Variants in KIAA1217 observed in about 807,000 individuals in gnomAD.
The protein encoded by KIAA1217 is KIAA1217, also known as sickle tail protein homolog.
Under a neutral mutation model 163.9 loss-of-function variants are expected in KIAA1217, and 88 were observed. The observed-to-expected ratio is 0.54, with a 90% CI of 0.45 to 0.64. The LOEUF (loss-of-function observed/expected upper bound fraction) is 0.64. Among genes scored for constraint, KIAA1217 ranks in the 30% least tolerant of loss-of-function variants. The pLI is 0.00. For missense variants in KIAA1217, 2,372 were observed against 2,475.0 expected (o/e 0.96, Z 0.88); for synonymous variants, 903 against 923.1 (o/e 0.98, Z 0.39).
At chr10:24,183,788 G>A (rs1370133828) in intron 2 of KIAA1217, among the ~76,000 whole-genome samples, 4 of 152,114 alleles carry the variant, frequency 2.6e-5, no homozygotes, top group African/African-American at 7.2e-5. Context: ...AGTCTACCTC[G>A]GGGAATGGTT....
chr10:23,815,488 CA>C, intron 1 of KIAA1217, among the ~76,000 whole-genome samples: 1 of 151,854 alleles, frequency 6.6e-6, no homozygotes, highest in East Asian at 1.9e-4. Flanking sequence ...ACTAAAAATA[CA>C]AAAAATTAGC....
intron 2 of KIAA1217, among the ~76,000 whole-genome samples, chr10:24,234,733 T>G (rs1278155872): frequency 1.3e-5 from 2 of 151,974 alleles, no homozygotes; most frequent in African/African-American, 4.8e-5. Context: ...TCGTTAAGTC[T>G]GTTTTTAATG....
intron 1 of KIAA1217, among the ~76,000 whole-genome samples, chr10:23,731,552 G>A (rs900299479): frequency 3.3e-5 from 5 of 152,114 alleles, no homozygotes; most frequent in African/African-American, 1.2e-4. Flanking sequence ...TGAAAGGGCT[G>A]GTTTCTGTTA....
At chr10:24,512,641 CTATGTTT>C (rs1374947185) in intron 9 of KIAA1217, among the ~76,000 whole-genome samples, 2 of 152,176 alleles carry the variant, frequency 1.3e-5, no homozygotes, top group African/African-American at 4.8e-5. Flanking sequence ...CATTAAAGTC[CTATGTTT>C]TAAGCATCTG....
At chr10:24,520,627 C>CAAAAAA (rs71472812) in intron 11 of KIAA1217, among the ~76,000 whole-genome samples, 5 of 44,934 alleles carry the variant, frequency 1.1e-4, no homozygotes, top group African/African-American at 2.6e-4. Context: ...ACATCTCTAC[C>CAAAAAA]AAAAAAAAAA....
At position 24,545,874 on chromosome 10, in the gene KIAA1217, C is replaced by T. The variant is rs1323276181; in HGVS notation, c.5382C>T (p.Ser1794=). ...KKSGGDFKPT[S]PSLPASKIPA... ...CTGGTGGGGACTTTAAGCCTACTTC[C>T]CCCTCCTTACCTGCTTCTAAGATTC... The change falls in exon 21 of 21, where the codon TCC becomes TCT. Residue 1794 remains serine (S), a synonymous_variant. Transcript: ENST00000376454. 6.2e-7 allele frequency: 1 copy of T among 1,612,282 alleles called. No homozygotes were observed. Among genetic ancestry groups the T allele is most frequent in the Non-Finnish European group, 8.5e-7 (1 of 1,179,294 alleles).
chr10:24,009,924 G>T (rs1380457501), intron 2 of KIAA1217, among the ~76,000 whole-genome samples: 1 of 152,056 alleles, frequency 6.6e-6, no homozygotes, highest in Admixed American at 6.6e-5. Flanking sequence ...CTGTATGGGG[G>T]CTCTGTCCTT....
rs375368066 is a variant in KIAA1217, at chr10:24,544,043, C to A, written c.4773C>A (p.Thr1591=). The A allele has an allele frequency of 3.1e-6, 5 of 1,614,016 alleles. No individual in the cohort carries two copies. Among genetic ancestry groups the A allele is most frequent in the Non-Finnish European group, 4.2e-6 (5 of 1,180,002 alleles). The change falls in exon 19 of 21, where the codon ACC becomes ACA. Residue 1591 remains threonine (T), a synonymous_variant. Transcript: ENST00000376454. ...QLAALTQAIR[T]GTKTGKKTLQ... ...CCGCTCTCACTCAAGCCATTCGCAC[C>A]GGAACTAAAACAGGGAAGAAGACTT...
intron 1 of KIAA1217, among the ~76,000 whole-genome samples, chr10:23,954,649 G>A (rs1214329616): frequency 1.3e-5 from 2 of 151,588 alleles, no homozygotes; most frequent in African/African-American, 4.8e-5. Flanking sequence ...GAGGGAGAGA[G>A]GGAGGAAAGA....
intron 1 of KIAA1217, among the ~76,000 whole-genome samples, chr10:23,913,896 C>A (rs1170287134): frequency 2.0e-5 from 3 of 152,168 alleles, no homozygotes; most frequent in Non-Finnish European, 2.9e-5. Flanking sequence ...ACAGGGAAGG[C>A]ATGGCTGGCT....
At chr10:23,744,547 G>A (rs1839292502) in intron 1 of KIAA1217, among the ~76,000 whole-genome samples, 1 of 152,142 alleles carries the variant, frequency 6.6e-6, no homozygotes, top group South Asian at 2.1e-4. Context: ...GGTGTTTTGG[G>A]AGAAGTAGGC....
At chr10:23,945,800 A>G (rs1365139075) in intron 1 of KIAA1217, among the ~76,000 whole-genome samples, 1 of 152,210 alleles carries the variant, frequency 6.6e-6, no homozygotes, top group Non-Finnish European at 1.5e-5. Flanking sequence ...AGGATTCCAT[A>G]CAAAAATATG....
chr10:24,342,562 A>ATAATAATCTAC, intron 2 of KIAA1217, among the ~76,000 whole-genome samples: 1 of 152,114 alleles, frequency 6.6e-6, no homozygotes, highest in Non-Finnish European at 1.5e-5. Flanking sequence ...TATAAAAATT[A>ATAATAATCTAC]TAATAATCTA....
intron 1 of KIAA1217, among the ~76,000 whole-genome samples, chr10:23,789,374 C>T (rs1835637106): frequency 1.3e-5 from 2 of 152,152 alleles, no homozygotes; most frequent in Admixed American, 6.5e-5. Flanking sequence ...TTTCTCTAGA[C>T]ATATCGTGCA....
chr10:24,500,841 G>C (rs1470904490), intron 8 of KIAA1217, among the ~76,000 whole-genome samples: 1 of 152,150 alleles, frequency 6.6e-6, no homozygotes, highest in Non-Finnish European at 1.5e-5. Flanking sequence ...CTAGCTCTTA[G>C]GGAGGCAGAG....
chr10:23,760,474 A>G (rs1457253415), intron 1 of KIAA1217, among the ~76,000 whole-genome samples: 3 of 152,226 alleles, frequency 2.0e-5, no homozygotes, highest in Non-Finnish European at 4.4e-5. Flanking sequence ...GGAATAAGCA[A>G]AGCAGGAGGG....
chr10:24,035,544 C>T (rs1848356466), intron 2 of KIAA1217, among the ~76,000 whole-genome samples: 1 of 152,178 alleles, frequency 6.6e-6, no homozygotes, highest in African/African-American at 2.4e-5. Context: ...CTAATCTCTC[C>T]AGCTTCTGAG....
intron 1 of KIAA1217, among the ~76,000 whole-genome samples, chr10:23,932,620 T>C (rs941390957): frequency 6.6e-6 from 1 of 152,208 alleles, no homozygotes; most frequent in Non-Finnish European, 1.5e-5. Flanking sequence ...ATTTTCTTTA[T>C]GATTTTTAGA....
intron 2 of KIAA1217, among the ~76,000 whole-genome samples, chr10:24,367,358 T>C (rs1246173719): frequency 6.6e-6 from 1 of 152,204 alleles, no homozygotes; most frequent in African/African-American, 2.4e-5. Context: ...AGCCAAGTGC[T>C]TGTAGCATTC....
Sources: allele counts gnomAD v4.1 joint callset (sites outside exome capture counted in the v4.1 genomes callset), GRCh38; gene constraint gnomAD v4.1.1; transcripts MANE v1.5; gene names NCBI Gene and HGNC (gene_info 2026-07-23, HGNC 2026-07-21).